Variants in CDKL1 observed in about 807,000 individuals in gnomAD.
CDKL1 encodes the protein cyclin-dependent kinase-like 1.
In CDKL1, 41 loss-of-function variants were observed where a neutral mutation model predicts 42.0. The ratio of observed to expected loss-of-function variants is 0.98; its 90% CI spans 0.76 to 1.27. CDKL1 has a LOEUF of 1.27. Among genes scored for constraint, CDKL1 ranks in the 50% most tolerant of loss-of-function variants. CDKL1 has a pLI of 0.00. For synonymous variants in CDKL1, 153 were observed against 158.6 expected (o/e 0.96, Z 0.26); for missense variants, 394 against 428.4 (o/e 0.92, Z 0.71).
intron 2 of CDKL1, among the ~76,000 whole-genome samples, chr14:50,371,085 C>T (rs2034578187): frequency 6.6e-6 from 1 of 152,156 alleles, no homozygotes; most frequent in South Asian, 2.1e-4. Flanking sequence ...TCAGAATTTT[C>T]TCCTTTTTTA....
At position 50,329,036 on chromosome 14, in the gene CDKL1, CATATATATATATATAT is replaced by C. The variant is rs57657571; in HGVS notation, c.*1022_*1037del. Reference sequence around the variant, plus strand: ...TGTAATATATTAGTTGTTAGAATAGCATATATATATATATATATATATATATACATACACATACATA... The same window carrying C: ...TGTAATATATTAGTTGTTAGAATAGCATATATATATACATACACATACATA... On this transcript the variant is annotated 3_prime_UTR_variant, in exon 10 of 10. Coordinates refer to ENST00000395834, the MANE Select transcript of CDKL1 (RefSeq NM_004196.7). 7.1e-6 allele frequency: 1 copy of C among 140,566 alleles called. No individual in the cohort carries two copies. The highest frequency in any genetic ancestry group is 2.6e-5 in the African/African-American group (1 of 38,086). 8.7% of individuals were successfully genotyped at this position (140,566 alleles called of 1,614,324 possible). A position where few individuals can be genotyped will look rare whatever the true frequency, so the allele number is the denominator to read the frequency against.
chr14:50,388,387 C>T (rs1211845325), intron 2 of CDKL1, among the ~76,000 whole-genome samples: 1 of 152,246 alleles, frequency 6.6e-6, no homozygotes. Flanking sequence ...GCAACCTTGA[C>T]AGTCCTACTT....
At position 50,396,348 on chromosome 14, in the gene CDKL1, T is replaced by C. The variant is rs2035406899; in HGVS notation, c.-461-19A>G. On this transcript the variant is annotated intron_variant, in intron 1 of 9. Transcript: ENST00000395834. ...CACGGTCCTAGAACAGAACAGCACA[T>C]GTTAAGGAATGAAGAGTGTACCCGT... The C allele has an allele frequency of 1.0e-6, 1 of 987,508 alleles. No homozygotes were observed. The highest frequency in any genetic ancestry group is 6.1e-5 in the Admixed American group (1 of 16,378). 61.2% of individuals were successfully genotyped at this position (987,508 alleles called of 1,614,324 possible). A position where few individuals can be genotyped will look rare whatever the true frequency, so the allele number is the denominator to read the frequency against.
intron 2 of CDKL1, chr14:50,378,451 A>G (rs1231708175): frequency 7.3e-7 from 1 of 1,365,438 alleles, no homozygotes; most frequent in Admixed American, 1.9e-5. Context: ...GGGGAAATTC[A>G]TTAATATGAG....
intron 2 of CDKL1, among the ~76,000 whole-genome samples, chr14:50,393,318 C>G (rs937549518): frequency 1.3e-5 from 2 of 152,208 alleles, no homozygotes; most frequent in African/African-American, 4.8e-5. Flanking sequence ...TACCTCCCTT[C>G]CAAGAGCTGA....
intron 7 of CDKL1, among the ~76,000 whole-genome samples, chr14:50,337,667 T>C (rs1020604442): frequency 8.3e-5 from 12 of 145,402 alleles, no homozygotes; most frequent in African/African-American, 3.0e-4. Context: ...GTATGGTATT[T>C]CTTTTTTTTC....
intron 2 of CDKL1, among the ~76,000 whole-genome samples, chr14:50,359,867 C>T (rs972619870): frequency 1.3e-5 from 2 of 150,470 alleles, no homozygotes; most frequent in Non-Finnish European, 3.0e-5. Context: ...TACCTAGCTT[C>T]CTGGCCCTTT....
intron 2 of CDKL1, among the ~76,000 whole-genome samples, chr14:50,363,563 C>CA (rs1490218246): frequency 6.6e-6 from 1 of 152,200 alleles, no homozygotes; most frequent in Non-Finnish European, 1.5e-5. Flanking sequence ...TTCATTTTCA[C>CA]ACTATTTGCT....
At chr14:50,393,649 A>C (rs2035321075) in intron 2 of CDKL1, among the ~76,000 whole-genome samples, 1 of 152,176 alleles carries the variant, frequency 6.6e-6, no homozygotes, top group Admixed American at 6.5e-5. Flanking sequence ...TGCCCAGCCT[A>C]GTACGTATTA....
At chr14:50,349,390 C>T (rs1488159720) in intron 3 of CDKL1, among the ~76,000 whole-genome samples, 4 of 152,186 alleles carry the variant, frequency 2.6e-5, no homozygotes, top group African/African-American at 9.7e-5. Flanking sequence ...TCTCAGGAAG[C>T]CCCTCATGGA....
chr14:50,357,812 C>T (rs2034100826), intron 3 of CDKL1, among the ~76,000 whole-genome samples: 1 of 152,202 alleles, frequency 6.6e-6, no homozygotes, highest in Non-Finnish European at 1.5e-5. Context: ...TGTGGCCATG[C>T]TTTCTATTTT....
At chr14:50,343,002 T>TA (rs1280116799) in intron 4 of CDKL1, 2 of 1,354,936 alleles carry the variant, frequency 1.5e-6, no homozygotes, top group Non-Finnish European at 2.0e-6. Flanking sequence ...CTCCAGAATT[T>TA]AGACTCAAAT....
upstream of CDKL1, chr14:50,396,885 T>TCGGCGTGGCTCGGCC (rs2035427733): frequency 4.4e-6 from 1 of 225,302 alleles, no homozygotes; most frequent in Non-Finnish European, 8.4e-6. Context: ...CCAGCTCGGC[T>TCGGCGTGGCTCGGCC]CGGCGTGGCT....
At chr14:50,361,520 G>A (rs1485583284) in intron 2 of CDKL1, among the ~76,000 whole-genome samples, 1 of 152,226 alleles carries the variant, frequency 6.6e-6, no homozygotes, top group Non-Finnish European at 1.5e-5. Context: ...TGGCACTGGT[G>A]TCTGCGGAGG....
In CDKL1 at chr14:50,384,760, CT is replaced by C. The variant is rs1234366235; in HGVS notation, c.168+10940del. On this transcript the variant is annotated intron_variant, in intron 2 of 9. Coordinates refer to ENST00000395834, the MANE Select transcript of CDKL1 (RefSeq NM_004196.7). ...TAGAAAAATAACTATTTTACAATAA[CT>C]GTTTTACATCACCATTGGTTGATGC... is the stretch of plus-strand genomic sequence containing the variant. 2.0e-5 allele frequency among the ~76,000 whole-genome samples: 3 copies of C among 150,036 alleles called. No individual in the cohort carries two copies. The South Asian group carries it at 6.3e-4, about 31-fold the overall frequency.
At chr14:50,397,067 A>G, upstream of CDKL1, 3 of 1,334,390 alleles carry the variant, frequency 2.2e-6, no homozygotes, top group Non-Finnish European at 3.0e-6. Flanking sequence ...CCGCGGGCCG[A>G]GTCCTGCTGC....
intron 2 of CDKL1, among the ~76,000 whole-genome samples, chr14:50,391,449 C>T (rs1254555388): frequency 6.6e-6 from 1 of 152,214 alleles, no homozygotes; most frequent in African/African-American, 2.4e-5. Flanking sequence ...GGGGCACGAT[C>T]TCAGTTCACT....
intron 2 of CDKL1, chr14:50,389,989 G>A (rs1478627443): frequency 4.1e-6 from 2 of 492,660 alleles, no homozygotes; most frequent in Admixed American, 4.4e-5. Context: ...TGTAAAATGG[G>A]ATAACAATAT....
intron 2 of CDKL1, among the ~76,000 whole-genome samples, chr14:50,364,731 T>C (rs977407760): frequency 6.6e-6 from 1 of 152,218 alleles, no homozygotes; most frequent in Non-Finnish European, 1.5e-5. Context: ...CAGGGTCAGG[T>C]AAATATTAAC....
Sources: gnomAD v4.1 joint callset for allele counts (sites outside exome capture counted in the v4.1 genomes callset) on GRCh38, gnomAD v4.1.1 for gene constraint, MANE v1.5 for transcripts, NCBI Gene and HGNC (gene_info 2026-07-23, HGNC 2026-07-21) for gene names.